GALNTL6: variants seen among roughly 807,000 people sequenced by gnomAD.
GALNTL6 encodes the protein polypeptide N-acetylgalactosaminyltransferase-like 6.
Under a neutral mutation model 73.7 loss-of-function variants are expected in GALNTL6, and 46 were observed. The ratio of observed to expected loss-of-function variants is 0.62; its 90% CI spans 0.49 to 0.80. The LOEUF (loss-of-function observed/expected upper bound fraction) is 0.80, where lower values mean the gene tolerates loss of function less well. GALNTL6 is among the 30% of genes least tolerant of loss of function. The pLI, the probability that GALNTL6 is intolerant of heterozygous loss-of-function variation, is 0.00. For missense variants in GALNTL6, 604 were observed against 755.0 expected (o/e 0.80, Z 2.34); for synonymous variants, 259 against 263.7 (o/e 0.98, Z 0.17).
chr4:172,806,924 T>C (rs2110978127), intron 5 of GALNTL6, among the ~76,000 whole-genome samples: 1 of 152,348 alleles, frequency 6.6e-6, no homozygotes, highest in East Asian at 1.9e-4. Context: ...AATGAGATTA[T>C]ACAATTTTCT....
At chr4:171,867,598 C>T (rs1042639429) in intron 2 of GALNTL6, among the ~76,000 whole-genome samples, 2 of 152,210 alleles carry the variant, frequency 1.3e-5, no homozygotes, top group African/African-American at 4.8e-5. Context: ...CACAGCTATT[C>T]ATCAGTGTCT....
chr4:172,371,159 A>G (rs1023184271), intron 5 of GALNTL6, among the ~76,000 whole-genome samples: 2 of 152,222 alleles, frequency 1.3e-5, no homozygotes, highest in African/African-American at 4.8e-5. Context: ...ATCTGCTTCT[A>G]TAAGAGTTTC....
At chr4:173,016,532 G>A (rs1752789387) in intron 11 of GALNTL6, among the ~76,000 whole-genome samples, 1 of 152,182 alleles carries the variant, frequency 6.6e-6, no homozygotes, top group Admixed American at 6.5e-5. Flanking sequence ...TTTAATGACT[G>A]CCCCACTGGA....
At chr4:172,298,185 A>C (rs1310156331) in intron 3 of GALNTL6, among the ~76,000 whole-genome samples, 2 of 152,036 alleles carry the variant, frequency 1.3e-5, no homozygotes, top group African/African-American at 2.4e-5. Context: ...AATGCTTGTG[A>C]TTTTTGCACA....
Position 172,273,491 on chromosome 4 carries a change from G to T in GALNTL6, c.248-38123G>T, listed in dbSNP as rs748616119. ...AAGAAAATTTTAAAGTCTCTTCTAG[G>T]GCATGACAATAGAAATAATAATTAA... On this transcript the variant is annotated intron_variant, in intron 3 of 12. Transcript: ENST00000506823. 4.6e-4 allele frequency among the ~76,000 whole-genome samples: 70 copies of T among 152,154 alleles called. 2 individuals carry two copies. Among genetic ancestry groups the T allele is most frequent in the South Asian group, 6.2e-4 (3 of 4,822 alleles).
intron 2 of GALNTL6, among the ~76,000 whole-genome samples, chr4:172,053,699 A>G (rs1472055703): frequency 6.6e-6 from 1 of 152,130 alleles, no homozygotes; most frequent in African/African-American, 2.4e-5. Context: ...CACTTCAATC[A>G]GAAAGAAACA....
At chr4:172,867,932 A>G (rs1037618743) in intron 7 of GALNTL6, among the ~76,000 whole-genome samples, 1 of 152,230 alleles carries the variant, frequency 6.6e-6, no homozygotes, top group African/African-American at 2.4e-5. Context: ...CTTAACATAA[A>G]TTGATGCACG....
intron 2 of GALNTL6, among the ~76,000 whole-genome samples, chr4:172,021,189 A>G (rs1294844369): frequency 6.6e-6 from 1 of 152,026 alleles, no homozygotes; most frequent in East Asian, 1.9e-4. Context: ...TCGAATGGAG[A>G]AAAACTGAAA....
chr4:171,826,273 T>C (rs1457774309), intron 2 of GALNTL6, among the ~76,000 whole-genome samples: 1 of 152,168 alleles, frequency 6.6e-6, no homozygotes, highest in Non-Finnish European at 1.5e-5. Context: ...CCACGACTCA[T>C]GTCATAAAAC....
chr4:172,249,108 G>C (rs1737760799), intron 3 of GALNTL6, among the ~76,000 whole-genome samples: 1 of 152,208 alleles, frequency 6.6e-6, no homozygotes, highest in East Asian at 1.9e-4. Context: ...ATGTGGGAAA[G>C]TTTGGAACTT....
chr4:172,400,382 C>A (rs971636300), intron 5 of GALNTL6, among the ~76,000 whole-genome samples: 1 of 152,052 alleles, frequency 6.6e-6, no homozygotes, highest in African/African-American at 2.4e-5. Flanking sequence ...AGACAAGGAT[C>A]TAACAGAAAA....
rs75141669 is a variant in GALNTL6 at position 172,378,142 on chromosome 4, G to T, written c.553+29453G>T. 7.6e-4 allele frequency among the ~76,000 whole-genome samples: 116 copies of T among 152,248 alleles called. 2 individuals carry two copies. In the East Asian group the frequency reaches 0.021, roughly 27 times the overall value. Reference sequence around the variant, plus strand: ...CCAGTCACCTTTAACCAAAAGAGCCGCCCGAGTTATCTGCTATATGATATT... The same window carrying T: ...CCAGTCACCTTTAACCAAAAGAGCCTCCCGAGTTATCTGCTATATGATATT... On this transcript the variant is annotated intron_variant, in intron 5 of 12. Coordinates refer to ENST00000506823, the MANE Select transcript of GALNTL6 (RefSeq NM_001034845.3).
At chr4:172,806,048 T>C (rs1260508993) in intron 5 of GALNTL6, among the ~76,000 whole-genome samples, 2 of 152,200 alleles carry the variant, frequency 1.3e-5, no homozygotes, top group African/African-American at 4.8e-5. Flanking sequence ...ATATTTTTAA[T>C]TTAAAGCCAT....
At chr4:172,388,693 G>T (rs530328809) in intron 5 of GALNTL6, among the ~76,000 whole-genome samples, 9 of 152,076 alleles carry the variant, frequency 5.9e-5, no homozygotes, top group Admixed American at 2.0e-4. Flanking sequence ...ATATTCATCT[G>T]TTAAAAAAGA....
intron 5 of GALNTL6, among the ~76,000 whole-genome samples, chr4:172,705,252 A>G: frequency 6.8e-6 from 1 of 148,028 alleles, no homozygotes; most frequent in African/African-American, 2.5e-5. Flanking sequence ...AGCTCCTCTC[A>G]TTCTTCTTTT....
intron 5 of GALNTL6, among the ~76,000 whole-genome samples, chr4:172,609,070 A>C (rs1343405420): frequency 6.6e-6 from 1 of 152,178 alleles, no homozygotes; most frequent in Non-Finnish European, 1.5e-5. Flanking sequence ...GTATGAAATT[A>C]AATCATCTGC....
At chr4:173,002,949 A>G (rs1022551967) in intron 10 of GALNTL6, among the ~76,000 whole-genome samples, 2 of 152,188 alleles carry the variant, frequency 1.3e-5, no homozygotes, top group South Asian at 4.1e-4. Context: ...AGTCAGTAGA[A>G]TAGACAGTAC....
intron 12 of GALNTL6, among the ~76,000 whole-genome samples, chr4:173,034,133 G>A (rs1753585363): frequency 6.6e-6 from 1 of 152,028 alleles, no homozygotes. Context: ...AATGCCCAAT[G>A]CATTTCACTT....
At chr4:172,805,003 G>A (rs567290911) in intron 5 of GALNTL6, among the ~76,000 whole-genome samples, 2 of 152,274 alleles carry the variant, frequency 1.3e-5, no homozygotes, top group African/African-American at 4.8e-5. Flanking sequence ...AAAAACTAAG[G>A]ATTTGAGGGG....
Sources: gnomAD v4.1 joint callset for allele counts (sites outside exome capture counted in the v4.1 genomes callset) on GRCh38, gnomAD v4.1.1 for gene constraint, MANE v1.5 for transcripts, NCBI Gene and HGNC (gene_info 2026-07-23, HGNC 2026-07-21) for gene names.